The following ATP6V1C2 variants were observed in gnomAD, a reference collection of about 807,000 sequenced individuals.
The protein encoded by ATP6V1C2 is V-type proton ATPase subunit C 2.
Under a neutral mutation model 56.8 loss-of-function variants are expected in ATP6V1C2, and 45 were observed. The ratio of observed to expected loss-of-function variants is 0.79; its 90% CI spans 0.62 to 1.02. ATP6V1C2 has a LOEUF of 1.02. Ranked by LOEUF, ATP6V1C2 falls within the 50% of genes least tolerant of loss-of-function variation. The pLI is 0.00. For missense variants in ATP6V1C2, 463 were observed against 519.7 expected (o/e 0.89, Z 1.06); for synonymous variants, 220 against 201.3 (o/e 1.09, Z -0.79).
intron 3 of ATP6V1C2, among the ~76,000 whole-genome samples, chr2:10,727,389 GA>G (rs34111959): frequency 0.17 from 19,649 of 116,498 alleles, 1,529 homozygotes; most frequent in African/African-American, 0.24. Flanking sequence ...TTGTTTCTAA[GA>G]AAAAAAAAAA....
chr2:10,738,710 G>C (rs1372083994), intron 3 of ATP6V1C2, among the ~76,000 whole-genome samples: 1 of 152,154 alleles, frequency 6.6e-6, no homozygotes, highest in Non-Finnish European at 1.5e-5. Flanking sequence ...TTAGCTTCAT[G>C]TCCAAAGTTG....
chr2:10,771,780 G>A, intron 6 of ATP6V1C2, 59 bp from the exon 7 acceptor site: 1 of 1,356,778 alleles, frequency 7.4e-7, no homozygotes, highest in Non-Finnish European at 1.1e-6. Context: ...GTGTGTGTGG[G>A]GTCACTGTGT....
At chr2:10,735,382 C>G (rs373868169) in intron 3 of ATP6V1C2, among the ~76,000 whole-genome samples, 1 of 152,076 alleles carries the variant, frequency 6.6e-6, no homozygotes, top group African/African-American at 2.4e-5. Context: ...GTTGGCCAGG[C>G]TGGTCTTGAA....
intron 5 of ATP6V1C2, among the ~76,000 whole-genome samples, chr2:10,766,704 G>A (rs1426625818): frequency 2.0e-5 from 3 of 152,138 alleles, no homozygotes; most frequent in Non-Finnish European, 4.4e-5. Context: ...GAATAGTATC[G>A]TATAGTTGTA....
chr2:10,728,573 G>A (rs748309948), intron 3 of ATP6V1C2, among the ~76,000 whole-genome samples: 11 of 151,890 alleles, frequency 7.2e-5, no homozygotes, highest in South Asian at 6.2e-4. Context: ...CCAGGAGTTC[G>A]AGACCAGCCT....
intron 3 of ATP6V1C2, among the ~76,000 whole-genome samples, chr2:10,728,776 A>G (rs1384647488): frequency 8.3e-6 from 1 of 120,150 alleles, no homozygotes; most frequent in African/African-American, 3.6e-5. Context: ...CCCTGTCTCA[A>G]AAAAAAAAAA....
At chr2:10,761,176 G>A (rs1663884453) in intron 4 of ATP6V1C2, among the ~76,000 whole-genome samples, 2 of 152,164 alleles carry the variant, frequency 1.3e-5, no homozygotes, top group South Asian at 4.1e-4. Flanking sequence ...GGAGAGTAGG[G>A]AGTTGTGGGG....
Position 10,722,821 on chromosome 2 carries a change from C to T in ATP6V1C2, c.-26-3C>T. ...TGTGTATGTTTGTCCTGGTTCTGGG[C>T]AGTCACTGGGTAAGAGAAGACTGGA... is the stretch of plus-strand genomic sequence containing the variant. On this transcript the variant is annotated splice_region_variant and splice_polypyrimidine_tract_variant and intron_variant, in intron 1 of 13. Transcript: ENST00000272238. The T allele has an allele frequency of 6.2e-7, 1 of 1,612,466 alleles. No homozygotes were observed. Among genetic ancestry groups the T allele is most frequent in the Non-Finnish European group, 8.5e-7 (1 of 1,179,194 alleles).
chr2:10,779,240 G>T (rs1489794572), intron 12 of ATP6V1C2, among the ~76,000 whole-genome samples: 1 of 151,424 alleles, frequency 6.6e-6, no homozygotes, highest in Non-Finnish European at 1.5e-5. Context: ...TAGTAGCTGG[G>T]ATGACAGGTG....
chr2:10,748,858 G>A (rs992159179), intron 3 of ATP6V1C2, among the ~76,000 whole-genome samples: 1 of 151,912 alleles, frequency 6.6e-6, no homozygotes, highest in Non-Finnish European at 1.5e-5. Context: ...GGCTGGACAC[G>A]GTGGCACATG....
At chr2:10,733,712 G>A (rs1662092777) in intron 3 of ATP6V1C2, among the ~76,000 whole-genome samples, 1 of 152,060 alleles carries the variant, frequency 6.6e-6, no homozygotes, top group African/African-American at 2.4e-5. Context: ...GTTTTGCGGT[G>A]TTGATTGACA....
chr2:10,774,025 G>T (rs142103877), intron 8 of ATP6V1C2, among the ~76,000 whole-genome samples: 7 of 152,356 alleles, frequency 4.6e-5, no homozygotes, highest in South Asian at 2.1e-4. Context: ...GCCAAGAGCC[G>T]GGGATCCTTG....
At chr2:10,757,566 T>G (rs889357626) in intron 4 of ATP6V1C2, 15 of 397,842 alleles carry the variant, frequency 3.8e-5, no homozygotes, top group African/African-American at 6.2e-5. Flanking sequence ...TTACCACGAT[T>G]TCTCAAGTAA....
chr2:10,732,819 A>C (rs1662033064), intron 3 of ATP6V1C2, among the ~76,000 whole-genome samples: 1 of 151,826 alleles, frequency 6.6e-6, no homozygotes, highest in African/African-American at 2.4e-5. Context: ...AAAAATACAA[A>C]AATTAGCCGG....
Position 10,782,175 on chromosome 2 carries a change from G to C in ATP6V1C2, c.1062-68G>C, listed in dbSNP as rs7583019. The C allele has an allele frequency of 0.013, 20,290 of 1,578,284 alleles. 2,273 individuals carry two copies. In the African/African-American group the frequency reaches 0.24, roughly 19 times the overall value. ...TTCACCCTCGGAATGTACTGTTTCT[G>C]GTCAGGTTCCTTCTATCCGTGTTTG... On this transcript the variant is annotated intron_variant, in intron 12 of 13. Transcript: ENST00000272238.
At chr2:10,773,348 C>T (rs1467451422) in intron 8 of ATP6V1C2, among the ~76,000 whole-genome samples, 2 of 152,138 alleles carry the variant, frequency 1.3e-5, no homozygotes, top group African/African-American at 2.4e-5. Flanking sequence ...CTTTCACCTG[C>T]TGGAACTTTG....
chr2:10,772,738 G>C, intron 8 of ATP6V1C2, 128 bp downstream of exon 8: 1 of 813,254 alleles, frequency 1.2e-6, no homozygotes. Flanking sequence ...GCCCTCTCCT[G>C]TCCCTTGGCC....
chr2:10,728,577 C>A lies in ATP6V1C2; in HGVS notation c.197+2008C>A, dbSNP rs537560562. On this transcript the variant is annotated intron_variant, in intron 3 of 13. Coordinates refer to ENST00000272238, the MANE Select transcript of ATP6V1C2 (RefSeq NM_001039362.2). The stretch of plus-strand genomic sequence containing the variant: ...ATTGCTTGACTCCAGGAGTTCGAGA[C>A]CAGCCTAGACAACATAGCAAAACCT... 5.9e-5 allele frequency among the ~76,000 whole-genome samples: 9 copies of A among 152,048 alleles called. No individual in the cohort carries two copies. In the South Asian group the frequency reaches 1.2e-3, roughly 21 times the overall value.
intron 3 of ATP6V1C2, among the ~76,000 whole-genome samples, chr2:10,728,149 A>G (rs1661750061): frequency 6.6e-6 from 1 of 152,170 alleles, no homozygotes; most frequent in Non-Finnish European, 1.5e-5. Flanking sequence ...TGGTGCAATC[A>G]TAGCTCAGTG....
Sources: allele counts gnomAD v4.1 joint callset (sites outside exome capture counted in the v4.1 genomes callset), GRCh38; gene constraint gnomAD v4.1.1; transcripts MANE v1.5; gene names NCBI Gene and HGNC (gene_info 2026-07-23, HGNC 2026-07-21).